CCDC134: variants seen among roughly 807,000 people sequenced by gnomAD.
The protein encoded by CCDC134 is coiled-coil domain-containing protein 134.
A neutral mutation model predicts 25.6 loss-of-function variants in CCDC134; 27 were observed. The observed-to-expected ratio is 1.05, with a 90% CI of 0.78 to 1.45. The LOEUF is 1.45. CCDC134 is among the 40% of genes most tolerant of loss of function. CCDC134 has a pLI of 0.00. For synonymous variants in CCDC134, 110 were observed against 115.0 expected, an observed-to-expected ratio of 0.96 and a Z score of 0.28; for missense variants, 261 against 286.7, an observed-to-expected ratio of 0.91 and a Z score of 0.65.
At chr22:41,821,314 T>C (rs866724548) in intron 6 of CCDC134, among the ~76,000 whole-genome samples, 3 of 151,630 alleles carry the variant, frequency 2.0e-5, no homozygotes, top group Middle Eastern at 3.4e-3. Context: ...AGTTTTCCTT[T>C]CTTTTTTTTT....
At chr22:41,809,781 C>G in intron 2 of CCDC134, 98 bp from the exon 3 acceptor site, 2 of 1,513,036 alleles carry the variant, frequency 1.3e-6, no homozygotes, top group Non-Finnish European at 9.0e-7. Context: ...ATGGCCCTTG[C>G]AGATACTTGC....
At chr22:41,824,499 G>A (rs1437584074) in intron 6 of CCDC134, among the ~76,000 whole-genome samples, 1 of 152,222 alleles carries the variant, frequency 6.6e-6, no homozygotes, top group Non-Finnish European at 1.5e-5. Flanking sequence ...AGTGGCTCAT[G>A]CCTGTAATCC....
chr22:41,831,582 G>C lies in CCDC134; in HGVS notation c.*5759G>C, dbSNP rs2148327529. The C allele has an allele frequency of 6.6e-6, 1 of 152,340 alleles. No homozygotes were observed. Among genetic ancestry groups the C allele is most frequent in the African/African-American group, 2.4e-5 (1 of 41,582 alleles). The allele number at this position is 152,340 out of a possible 1,614,324, so 9.4% of individuals were successfully genotyped here. A position where few individuals can be genotyped will look rare whatever the true frequency, so the allele number is the denominator to read the frequency against. ...GAGCTGGCTGCCAGCAGCTCCTCCTGCCTCGAGGCCTTTGTCCATGTCATC... is the reference window on the plus strand; with the variant it reads ...GAGCTGGCTGCCAGCAGCTCCTCCTCCCTCGAGGCCTTTGTCCATGTCATC... On this transcript the variant is annotated 3_prime_UTR_variant, in exon 7 of 7. Coordinates refer to ENST00000255784, the MANE Select transcript of CCDC134 (RefSeq NM_024821.5).
chr22:41,828,381 G>A lies in CCDC134; in HGVS notation c.*2558G>A, dbSNP rs1308308011. 2.0e-5 allele frequency among the ~76,000 whole-genome samples: 3 copies of A among 152,128 alleles called. No individual in the cohort carries two copies. The highest frequency in any genetic ancestry group is 7.2e-5 in the African/African-American group (3 of 41,390). ...TCCTTGTTCATCCCATGTATTTACTGACTGCCTGCTATATATGCAGAGCCA... is the reference window on the plus strand; with the variant it reads ...TCCTTGTTCATCCCATGTATTTACTAACTGCCTGCTATATATGCAGAGCCA... On this transcript the variant is annotated 3_prime_UTR_variant, in exon 7 of 7. Coordinates refer to ENST00000255784, the MANE Select transcript of CCDC134 (RefSeq NM_024821.5).
At chr22:41,806,082 C>G (rs920159412) in intron 1 of CCDC134, among the ~76,000 whole-genome samples, 1 of 151,812 alleles carries the variant, frequency 6.6e-6, no homozygotes, top group Non-Finnish European at 1.5e-5. Context: ...TTTTTAGAAA[C>G]TTGTATTTAA....
rs963210164 is a variant in CCDC134 at position 41,830,892 on chromosome 22, T to C, written c.*5069T>C. On this transcript the variant is annotated 3_prime_UTR_variant, in exon 7 of 7. Coordinates refer to ENST00000255784, the MANE Select transcript of CCDC134 (RefSeq NM_024821.5). ...ATTTTTTCTTTTCTTTTCTTTTTTT[T>C]TTTTTTTTTTTTTTGAGACGCAGTC... 7.0e-5 allele frequency among the ~76,000 whole-genome samples: 10 copies of C among 143,538 alleles called. No individual in the cohort carries two copies. The highest frequency in any genetic ancestry group is 6.8e-5 in the Admixed American group (1 of 14,678). The allele number at this position is 143,538 out of a possible 152,430, so 94.2% of individuals were successfully genotyped here.
At chr22:41,807,429 G>T (rs1602235372) in intron 1 of CCDC134, among the ~76,000 whole-genome samples, 1 of 152,196 alleles carries the variant, frequency 6.6e-6, no homozygotes, top group South Asian at 2.1e-4. Flanking sequence ...GTGCATGGCG[G>T]CATGCACCTG....
chr22:41,818,268 A>AG (rs2076632250), intron 6 of CCDC134, among the ~76,000 whole-genome samples: 1 of 152,218 alleles, frequency 6.6e-6, no homozygotes, highest in African/African-American at 2.4e-5. Flanking sequence ...AAACTTAATG[A>AG]GGGACCTAGT....
At chr22:41,810,489 CTTTTTTTTTT>C (rs960666358) in intron 4 of CCDC134, among the ~76,000 whole-genome samples, 198 bp downstream of exon 4, 2 of 86,634 alleles carry the variant, frequency 2.3e-5, no homozygotes, top group African/African-American at 1.0e-4. Context: ...AATAGCATTT[CTTTTTTTTTT>C]TTTTTTTTTT....
intron 1 of CCDC134, among the ~76,000 whole-genome samples, chr22:41,807,020 A>C (rs917204835): frequency 6.6e-6 from 1 of 152,094 alleles, no homozygotes; most frequent in Non-Finnish European, 1.5e-5. Flanking sequence ...TGCTCTCCAG[A>C]CTGGGCAACA....
chr22:41,830,068 G>C lies in CCDC134; in HGVS notation c.*4245G>C, dbSNP rs140938086. Among the ~76,000 whole-genome samples the C allele has an allele frequency of 0.015, 2,297 of 152,308 alleles. 56 individuals carry two copies. The highest frequency in any genetic ancestry group is 0.052 in the African/African-American group (2,145 of 41,550). On this transcript the variant is annotated 3_prime_UTR_variant, in exon 7 of 7. Coordinates refer to ENST00000255784, the MANE Select transcript of CCDC134 (RefSeq NM_024821.5). ...TTACAGGCGTAAGCAACCGTGCCCGGCTGTCCATCTCTTTTCAGATGAAGA... is the reference window on the plus strand; with the variant it reads ...TTACAGGCGTAAGCAACCGTGCCCGCCTGTCCATCTCTTTTCAGATGAAGA...
chr22:41,810,395 C>T (rs1449498211), intron 4 of CCDC134, 104 bp downstream of exon 4: 1 of 1,074,648 alleles, frequency 9.3e-7, no homozygotes, highest in Non-Finnish European at 1.4e-6. Context: ...CGGAAGTGCC[C>T]TCTTGTGGCA....
chr22:41,801,193 GT>G (rs1379466371), intron 1 of CCDC134, among the ~76,000 whole-genome samples: 1 of 152,176 alleles, frequency 6.6e-6, no homozygotes, highest in Admixed American at 6.5e-5. Context: ...GGCCCCTAAA[GT>G]TTTGCCCTAG....
chr22:41,822,554 G>C (rs1263157596), intron 6 of CCDC134, among the ~76,000 whole-genome samples: 1 of 152,180 alleles, frequency 6.6e-6, no homozygotes, highest in East Asian at 1.9e-4. Context: ...AAGATGACTA[G>C]GCACTGCCAG....
At chr22:41,819,044 T>C (rs2076636170) in intron 6 of CCDC134, among the ~76,000 whole-genome samples, 1 of 152,214 alleles carries the variant, frequency 6.6e-6, no homozygotes, top group Admixed American at 6.5e-5. Flanking sequence ...AGCAGCAACA[T>C]ACTTTCCTTA....
intron 6 of CCDC134, among the ~76,000 whole-genome samples, chr22:41,815,498 C>T (rs2076618856): frequency 6.6e-6 from 1 of 152,098 alleles, no homozygotes; most frequent in African/African-American, 2.4e-5. Context: ...AGCCACCGCA[C>T]CCGGCCTAAC....
chr22:41,801,056 C>T (rs2076540054), intron 1 of CCDC134, among the ~76,000 whole-genome samples: 1 of 146,480 alleles, frequency 6.8e-6, no homozygotes, highest in Admixed American at 6.8e-5. Flanking sequence ...ACGGCAGGAT[C>T]GGGATTGAGA....
At chr22:41,808,819 TTTTA>T (rs2076580307) in intron 1 of CCDC134, 52 bp from the exon 2 acceptor site, 3 of 1,400,084 alleles carry the variant, frequency 2.1e-6, no homozygotes, top group Non-Finnish European at 3.0e-6. Flanking sequence ...GTGCACTCTA[TTTTA>T]TGTAACACCG....
Position 41,825,576 on chromosome 22 carries a change from G to GT in CCDC134, c.565-121dup. The GT allele has an allele frequency of 7.8e-7, 1 of 1,289,494 alleles. No homozygotes were observed. The highest frequency in any genetic ancestry group is 1.1e-6 in the Non-Finnish European group (1 of 933,046). The allele number at this position is 1,289,494 out of a possible 1,614,324, so 79.9% of individuals were successfully genotyped here. On this transcript the variant is annotated intron_variant, in intron 6 of 6. Transcript: ENST00000255784. This position sits in a 1 kb window ranked among gnomAD's most constrained non-coding sequence, Gnocchi z 4.4. ...TCTCCCAAACCCATTTCCTGTCTCCGTGTCTGGGGCAGGGCCTGTGTCCAG... is the reference window on the plus strand; with the variant it reads ...TCTCCCAAACCCATTTCCTGTCTCCGTTGTCTGGGGCAGGGCCTGTGTCCAG...
Sources: gnomAD v4.1 joint callset for allele counts (sites outside exome capture counted in the v4.1 genomes callset) on GRCh38, gnomAD v4.1.1 for gene constraint, Gnocchi (gnomAD v3.1) non-coding constraint, MANE v1.5 for transcripts, NCBI Gene and HGNC (gene_info 2026-07-23, HGNC 2026-07-21) for gene names.